Variants in BMERB1 observed in about 807,000 individuals in gnomAD.
BMERB1 encodes the protein bMERB domain containing 1.
In BMERB1, 12 loss-of-function variants were observed where a neutral mutation model predicts 23.6. The ratio of observed to expected loss-of-function variants is 0.51; its 90% CI spans 0.33 to 0.82. The LOEUF is 0.82. Among genes scored for constraint, BMERB1 ranks in the 40% least tolerant of loss-of-function variants. The probability of loss-of-function intolerance (pLI) is 0.03; values close to 1 mark genes in which losing one functional copy is unlikely to be tolerated. For synonymous variants in BMERB1, 122 were observed against 96.6 expected (o/e 1.26, Z -1.54); for missense variants, 247 against 255.4 (o/e 0.97, Z 0.22).
chr16:15,481,961 C>A (rs1196723196), intron 1 of BMERB1, among the ~76,000 whole-genome samples: 1 of 151,820 alleles, frequency 6.6e-6, no homozygotes, highest in Admixed American at 6.6e-5. Flanking sequence ...GAACTCCTGA[C>A]CTCAAGTGAT....
At chr16:15,573,441 G>A (rs1232200846) in intron 3 of BMERB1, among the ~76,000 whole-genome samples, 1 of 152,110 alleles carries the variant, frequency 6.6e-6, no homozygotes, top group Non-Finnish European at 1.5e-5. Context: ...GGGGGTGGGG[G>A]TGCAGTGAGA....
intron 2 of BMERB1, among the ~76,000 whole-genome samples, chr16:15,555,622 A>G (rs374670116): frequency 1.9e-4 from 29 of 152,306 alleles, no homozygotes; most frequent in Middle Eastern, 3.4e-3. Flanking sequence ...ACAGTCCATT[A>G]AAATGGCCAC....
chr16:15,481,450 C>T (rs2051319832), intron 1 of BMERB1, among the ~76,000 whole-genome samples: 2 of 151,962 alleles, frequency 1.3e-5, no homozygotes, highest in Admixed American at 1.3e-4. Flanking sequence ...TGGCGTGAAC[C>T]CGGGAGGCGG....
intron 1 of BMERB1, chr16:15,502,164 G>A (rs144584081): frequency 2.5e-5 from 21 of 841,258 alleles, no homozygotes; most frequent in African/African-American, 8.4e-5. Flanking sequence ...CTGTTGGTGC[G>A]TCCTCCTGAA....
intron 1 of BMERB1, among the ~76,000 whole-genome samples, chr16:15,442,802 C>A (rs892453477): frequency 2.6e-5 from 4 of 152,144 alleles, no homozygotes; most frequent in African/African-American, 9.7e-5. Flanking sequence ...GAGCCTGATT[C>A]TAAGCCCTCT....
chr16:15,517,799 TG>T (rs2051783508), intron 2 of BMERB1, among the ~76,000 whole-genome samples: 1 of 150,390 alleles, frequency 6.6e-6, no homozygotes, highest in African/African-American at 2.5e-5. Context: ...TGGATGTGTG[TG>T]GGGGTGTTCG....
chr16:15,563,529 A>T (rs542997090), intron 2 of BMERB1, among the ~76,000 whole-genome samples: 14 of 152,176 alleles, frequency 9.2e-5, no homozygotes, highest in East Asian at 3.9e-4. Context: ...AGAAAAAAAA[A>T]TTTTTAAACA....
chr16:15,520,628 C>T (rs766385574), intron 2 of BMERB1, among the ~76,000 whole-genome samples: 5 of 152,036 alleles, frequency 3.3e-5, no homozygotes, highest in South Asian at 2.1e-4. Context: ...GGACTACAGG[C>T]GCCCGCCACC....
chr16:15,577,850 C>T (rs2030909030), intron 3 of BMERB1, among the ~76,000 whole-genome samples: 1 of 152,206 alleles, frequency 6.6e-6, no homozygotes, highest in Non-Finnish European at 1.5e-5. Context: ...GGTCATATAC[C>T]AGTTAGACTC....
chr16:15,551,454 A>G (rs922083000), intron 2 of BMERB1, among the ~76,000 whole-genome samples: 3 of 152,172 alleles, frequency 2.0e-5, no homozygotes, highest in African/African-American at 7.2e-5. Flanking sequence ...CAAGGGGGCT[A>G]TGGCTGCAGG....
intron 1 of BMERB1, among the ~76,000 whole-genome samples, chr16:15,483,388 A>G (rs1247866257): frequency 6.6e-6 from 1 of 152,056 alleles, no homozygotes; most frequent in Non-Finnish European, 1.5e-5. Flanking sequence ...TTATTTATTT[A>G]TTTATTTTTG....
intron 1 of BMERB1, among the ~76,000 whole-genome samples, chr16:15,472,131 A>G (rs147736184): frequency 6.6e-6 from 1 of 152,234 alleles, no homozygotes; most frequent in Non-Finnish European, 1.5e-5. Context: ...ATAACACATA[A>G]TTTTAATTCT....
At chr16:15,472,731 A>G (rs1449906744) in intron 1 of BMERB1, among the ~76,000 whole-genome samples, 2 of 152,084 alleles carry the variant, frequency 1.3e-5, no homozygotes, top group Non-Finnish European at 2.9e-5. Context: ...GACCATTTAC[A>G]TTTAAGGCAA....
intron 1 of BMERB1, among the ~76,000 whole-genome samples, chr16:15,503,093 A>G (rs1042409159): frequency 6.6e-6 from 1 of 152,200 alleles, no homozygotes; most frequent in Admixed American, 6.5e-5. Flanking sequence ...GAAAATATTC[A>G]GGAAAAAAAT....
intron 1 of BMERB1, among the ~76,000 whole-genome samples, chr16:15,464,394 G>A (rs767662438): frequency 2.0e-5 from 3 of 151,798 alleles, no homozygotes; most frequent in Non-Finnish European, 2.9e-5. Context: ...AGGCCAAGGC[G>A]GGAGGATTGG....
intron 2 of BMERB1, among the ~76,000 whole-genome samples, chr16:15,566,868 T>C (rs2030580439): frequency 6.6e-6 from 1 of 152,078 alleles, no homozygotes; most frequent in Non-Finnish European, 1.5e-5. Flanking sequence ...TATATGATAT[T>C]ATAAGCATAC....
At chr16:15,443,786 G>A (rs924902527) in intron 1 of BMERB1, among the ~76,000 whole-genome samples, 9 of 151,976 alleles carry the variant, frequency 5.9e-5, no homozygotes, top group African/African-American at 2.2e-4. Context: ...AGATGTGGTG[G>A]TGCACACCTG....
At chr16:15,441,580 G>A (rs2050939407) in intron 1 of BMERB1, among the ~76,000 whole-genome samples, 1 of 152,098 alleles carries the variant, frequency 6.6e-6, no homozygotes, top group Non-Finnish European at 1.5e-5. Flanking sequence ...GTTTTTCCAT[G>A]TTGGTCAGGC....
intron 1 of BMERB1, among the ~76,000 whole-genome samples, chr16:15,442,442 A>G (rs2050947509): frequency 6.6e-6 from 1 of 152,214 alleles, no homozygotes; most frequent in Non-Finnish European, 1.5e-5. Context: ...TATTACAAAT[A>G]TGATAGTATC....
Sources: allele counts gnomAD v4.1 joint callset (sites outside exome capture counted in the v4.1 genomes callset), GRCh38; gene constraint gnomAD v4.1.1; transcripts MANE v1.5; gene names NCBI Gene and HGNC (gene_info 2026-07-23, HGNC 2026-07-21).